RAB38: variants seen among roughly 807,000 people sequenced by gnomAD.
The protein encoded by RAB38 is ras-related protein Rab-38.
A neutral mutation model predicts 18.4 loss-of-function variants in RAB38; 15 were observed. The observed-to-expected ratio is 0.82, with a 90% CI of 0.55 to 1.26. RAB38 has a LOEUF of 1.26. Among genes scored for constraint, RAB38 ranks in the 50% most tolerant of loss-of-function variants. The pLI is 0.00. For missense variants in RAB38, 294 were observed against 267.4 expected (o/e 1.10, Z -0.69); for synonymous variants, 101 against 104.4 (o/e 0.97, Z 0.20).
chr11:88,031,673 G>T, the RAB38 span, among the ~76,000 whole-genome samples: 3 of 150,798 alleles, frequency 2.0e-5, no homozygotes, highest in East Asian at 5.9e-4. Context: ...AACTTACAAG[G>T]GATGTGAAGG....
At chr11:87,859,956 T>C in the RAB38 span, among the ~76,000 whole-genome samples, 1 of 152,032 alleles carries the variant, frequency 6.6e-6, no homozygotes, top group African/African-American at 2.4e-5. Flanking sequence ...AGATGTGTCA[T>C]GTGCCCATCT....
chr11:87,958,141 C>T, the RAB38 span, among the ~76,000 whole-genome samples: 1 of 152,086 alleles, frequency 6.6e-6, no homozygotes, highest in South Asian at 2.1e-4. Flanking sequence ...AGCCACTGCC[C>T]CCAGTCAGCC....
At chr11:87,969,479 T>C in the RAB38 span, among the ~76,000 whole-genome samples, 1 of 152,186 alleles carries the variant, frequency 6.6e-6, no homozygotes, top group African/African-American at 2.4e-5. Flanking sequence ...TAAGGGAATG[T>C]TAGACGTGAA....
At chr11:87,857,027 C>T in the RAB38 span, among the ~76,000 whole-genome samples, 9 of 151,934 alleles carry the variant, frequency 5.9e-5, no homozygotes, top group Non-Finnish European at 8.8e-5. Context: ...CCCCACCCCA[C>T]GACAGGCCCC....
chr11:88,015,622 A>G, the RAB38 span, among the ~76,000 whole-genome samples: 1 of 152,144 alleles, frequency 6.6e-6, no homozygotes, highest in African/African-American at 2.4e-5. Context: ...AAGGGGGATA[A>G]GACTCCAGGA....
the RAB38 span, among the ~76,000 whole-genome samples, chr11:88,014,012 T>A: frequency 6.6e-6 from 1 of 152,138 alleles, no homozygotes; most frequent in Non-Finnish European, 1.5e-5. Flanking sequence ...GTAGCTATTA[T>A]TGTTATGGTA....
chr11:87,906,919 T>G, the RAB38 span, among the ~76,000 whole-genome samples: 5 of 152,118 alleles, frequency 3.3e-5, no homozygotes, highest in African/African-American at 1.2e-4. Context: ...TTGGTATAAA[T>G]GTAACAAAAT....
chr11:88,164,726 C>G (rs1015026221), intron 1 of RAB38, among the ~76,000 whole-genome samples: 4 of 151,728 alleles, frequency 2.6e-5, no homozygotes, highest in African/African-American at 9.7e-5. Context: ...GGCCTAGAGG[C>G]ACAATGAAAA....
the RAB38 span, among the ~76,000 whole-genome samples, chr11:87,955,418 G>A: frequency 6.6e-6 from 1 of 152,036 alleles, no homozygotes; most frequent in Non-Finnish European, 1.5e-5. Context: ...CTCACTACTA[G>A]GGTGACATGA....
chr11:88,137,440 G>A (rs891566204), intron 2 of RAB38, among the ~76,000 whole-genome samples: 1 of 152,028 alleles, frequency 6.6e-6, no homozygotes, highest in Admixed American at 6.6e-5. Context: ...ATAAAATTGA[G>A]TTATTCAAAA....
At chr11:88,150,039 A>G (rs1317338014) in intron 1 of RAB38, 84 bp from the exon 2 acceptor site, 7 of 1,397,496 alleles carry the variant, frequency 5.0e-6, no homozygotes, top group Non-Finnish European at 6.8e-6. Flanking sequence ...CTCCAAGATG[A>G]GCAAGTCAAT....
chr11:88,027,579 C>T, the RAB38 span, among the ~76,000 whole-genome samples: 220 of 152,222 alleles, frequency 1.4e-3, no homozygotes, highest in African/African-American at 4.9e-3. Flanking sequence ...TATCCCGCAA[C>T]TGGCTGGGAG....
chr11:87,976,641 A>G, the RAB38 span, among the ~76,000 whole-genome samples: 1 of 113,250 alleles, frequency 8.8e-6, no homozygotes, highest in African/African-American at 3.5e-5. Flanking sequence ...ATATGATTTT[A>G]TATGATATAT....
the RAB38 span, among the ~76,000 whole-genome samples, chr11:88,029,299 G>C: frequency 2.2e-3 from 336 of 151,944 alleles, 3 homozygotes; most frequent in African/African-American, 7.7e-3. Flanking sequence ...AGACCATCGA[G>C]ACTAGGAAGA....
At chr11:88,120,711 T>C (rs1942618096) in intron 2 of RAB38, among the ~76,000 whole-genome samples, 2 of 152,182 alleles carry the variant, frequency 1.3e-5, no homozygotes, top group South Asian at 4.1e-4. Flanking sequence ...CCTCAGCCTC[T>C]GTCCTTTATT....
the RAB38 span, among the ~76,000 whole-genome samples, chr11:88,021,684 G>C: frequency 6.7e-6 from 1 of 149,636 alleles, no homozygotes; most frequent in South Asian, 2.2e-4. Flanking sequence ...TCTGCCTCTC[G>C]GGTTCAAGCG....
the RAB38 span, among the ~76,000 whole-genome samples, chr11:88,105,613 G>T: frequency 2.0e-5 from 3 of 152,092 alleles, no homozygotes; most frequent in South Asian, 6.2e-4. Flanking sequence ...TATAGGTTAT[G>T]TGTTCACCCA....
intron 2 of RAB38, among the ~76,000 whole-genome samples, chr11:88,140,475 A>G (rs899226488): frequency 3.9e-5 from 6 of 152,188 alleles, no homozygotes; most frequent in African/African-American, 1.4e-4. Flanking sequence ...GCAAGTGATT[A>G]CTCTCTGCAC....
At chr11:87,889,583 T>C in the RAB38 span, among the ~76,000 whole-genome samples, 5 of 151,938 alleles carry the variant, frequency 3.3e-5, no homozygotes, top group African/African-American at 4.8e-5. Flanking sequence ...ACGTATATTA[T>C]GTATTATAAT....
Sources: allele counts gnomAD v4.1 joint callset (sites outside exome capture counted in the v4.1 genomes callset), GRCh38; gene constraint gnomAD v4.1.1; transcripts MANE v1.5; gene names NCBI Gene and HGNC (gene_info 2026-07-23, HGNC 2026-07-21).